MGA: variants seen among roughly 807,000 people sequenced by gnomAD.
The protein encoded by MGA is MAX gene-associated protein.
MGA carries 40 observed loss-of-function variants against 261.1 expected under a neutral mutation model. The ratio of observed to expected loss-of-function variants is 0.15; its 90% CI spans 0.12 to 0.20. The LOEUF is 0.20. Among genes scored for constraint, MGA ranks in the 10% least tolerant of loss-of-function variants. MGA has a pLI of 1.00. For synonymous variants in MGA, 1,302 were observed against 1,290.6 expected, an observed-to-expected ratio of 1.01 and a Z score of -0.19; for missense variants, 3,397 against 3,630.5, an observed-to-expected ratio of 0.94 and a Z score of 1.65.
At chr15:41,714,612 TC>T (rs2060537643) in intron 9 of MGA, among the ~76,000 whole-genome samples, 1 of 152,148 alleles carries the variant, frequency 6.6e-6, no homozygotes, top group African/African-American at 2.4e-5. Flanking sequence ...CAAATGATTT[TC>T]CTGCCCCAGC....
At chr15:41,726,772 C>T (rs556109547) in intron 9 of MGA, among the ~76,000 whole-genome samples, 1 of 151,900 alleles carries the variant, frequency 6.6e-6, no homozygotes, top group Non-Finnish European at 1.5e-5. Flanking sequence ...TCTTCTCTGA[C>T]CCTAAATATA....
intron 9 of MGA, among the ~76,000 whole-genome samples, chr15:41,717,908 T>C (rs1287078919): frequency 2.6e-5 from 4 of 151,914 alleles, no homozygotes; most frequent in Admixed American, 6.6e-5. Context: ...GGGTGTATCC[T>C]AGAAGTGTGG....
intron 9 of MGA, among the ~76,000 whole-genome samples, chr15:41,726,797 T>C (rs1567039496): frequency 6.6e-6 from 1 of 152,172 alleles, no homozygotes; most frequent in Non-Finnish European, 1.5e-5. Flanking sequence ...CAACTCTTGT[T>C]TTAATTCTTC....
chr15:41,712,681 C>T (rs1050145844), intron 8 of MGA, among the ~76,000 whole-genome samples: 1 of 152,030 alleles, frequency 6.6e-6, no homozygotes, highest in Admixed American at 6.5e-5. Flanking sequence ...ATTAATTACC[C>T]TACAATAGGG....
chr15:41,768,184 C>A lies in MGA; in HGVS notation c.*904C>A, dbSNP rs2063892361. 1 of 152,640 alleles carries A rather than the reference C, an allele frequency of 6.6e-6. No individual in the cohort carries two copies. Among genetic ancestry groups the A allele is most frequent in the Admixed American group, 6.5e-5 (1 of 15,284 alleles). 9.5% of individuals were successfully genotyped at this position (152,640 alleles called of 1,614,324 possible). Reference sequence around the variant, plus strand: ...CTGGAAATTTCCCAAATCAAACCAGCCTCCTGGTGCTTGAAGGTTTCATTC... The same window carrying A: ...CTGGAAATTTCCCAAATCAAACCAGACTCCTGGTGCTTGAAGGTTTCATTC... On this transcript the variant is annotated 3_prime_UTR_variant, in exon 24 of 24. Transcript: ENST00000219905.
Position 41,750,451 on chromosome 15 carries a change from C to T in MGA, c.6844C>T (p.Gln2282Ter). Reference sequence around the variant, plus strand: ...CTTACTGCTACCTGGAGAACAGATACAACCAAAGCAAGAGAAGAAGGGTGG... The same window carrying T: ...CTTACTGCTACCTGGAGAACAGATATAACCAAAGCAAGAGAAGAAGGGTGG... The change falls in exon 17 of 24, where the codon CAA becomes TAA. Residue 2282 changes from glutamine (Q) to a stop codon, truncating the protein, a stop_gained. Coordinates refer to ENST00000219905, the MANE Select transcript of MGA (RefSeq NM_001164273.2). LOFTEE classifies it high-confidence loss of function. The T allele has an allele frequency of 6.2e-7, 1 of 1,613,948 alleles. No homozygotes were observed. Among genetic ancestry groups the T allele is most frequent in the Non-Finnish European group, 8.5e-7 (1 of 1,179,884 alleles).
chr15:41,651,333 T>G (rs1449765369), intron 1 of MGA, among the ~76,000 whole-genome samples: 1 of 152,176 alleles, frequency 6.6e-6, no homozygotes, highest in Non-Finnish European at 1.5e-5. Flanking sequence ...TTGTCTCTTG[T>G]TTTGATCTTC....
chr15:41,758,792 G>A (rs1227502704), intron 19 of MGA, among the ~76,000 whole-genome samples: 1 of 151,960 alleles, frequency 6.6e-6, no homozygotes, highest in Non-Finnish European at 1.5e-5. Flanking sequence ...TTTTGGTTAC[G>A]GTCAGAGTTA....
At position 41,766,615 on chromosome 15, in the gene MGA, G is replaced by A; in HGVS notation, c.8533G>A (p.Ala2845Thr). ...ACTAAATGATGACTCTGTTGGCCTG[G>A]CTGAACTACCCAGCTCTATGGATAC... is the stretch of plus-strand genomic sequence containing the variant. Residue 2845 changes from alanine (A) to threonine (T), a missense_variant, in exon 24 of 24, where the codon GCT (alanine) becomes ACT (threonine). Ala to Thr is a moderately conservative substitution (Grantham distance 58, BLOSUM62 0). Coordinates refer to ENST00000219905, the MANE Select transcript of MGA (RefSeq NM_001164273.2). The A allele has an allele frequency of 6.2e-7, 1 of 1,613,992 alleles. No individual in the cohort carries two copies. The highest frequency in any genetic ancestry group is 8.5e-7 in the Non-Finnish European group (1 of 1,179,892).
intron 11 of MGA, among the ~76,000 whole-genome samples, 194 bp from the exon 12 acceptor site, chr15:41,734,328 G>A (rs950988773): frequency 6.6e-6 from 1 of 152,124 alleles, no homozygotes; most frequent in African/African-American, 2.4e-5. Context: ...AGGACATTAG[G>A]TAGCAAAACT....
At chr15:41,706,722 A>G (rs1421449512) in intron 5 of MGA, among the ~76,000 whole-genome samples, 5 of 151,900 alleles carry the variant, frequency 3.3e-5, no homozygotes, top group Non-Finnish European at 2.9e-5. Context: ...CTACAGGCAC[A>G]TGCCACCACA....
intron 8 of MGA, among the ~76,000 whole-genome samples, chr15:41,712,595 A>T (rs1335408809): frequency 6.6e-6 from 1 of 152,214 alleles, no homozygotes; most frequent in Non-Finnish European, 1.5e-5. Context: ...AGATGTTGGA[A>T]CTAAATGCAG....
At chr15:41,645,433 A>G (rs2056917855) in intron 1 of MGA, among the ~76,000 whole-genome samples, 1 of 152,238 alleles carries the variant, frequency 6.6e-6, no homozygotes, top group African/African-American at 2.4e-5. Flanking sequence ...CTAAAAATAC[A>G]AAAATTAGCT....
chr15:41,664,803 TC>T (rs2057634053), intron 1 of MGA, among the ~76,000 whole-genome samples: 1 of 152,238 alleles, frequency 6.6e-6, no homozygotes, highest in African/African-American at 2.4e-5. Flanking sequence ...ATTTGTGACT[TC>T]CGTTTAGTTT....
chr15:41,738,967 T>TC (rs1171624123), intron 13 of MGA, among the ~76,000 whole-genome samples: 4 of 152,150 alleles, frequency 2.6e-5, no homozygotes. Flanking sequence ...CCTCACCAGT[T>TC]CCCTGTTAGA....
At position 41,652,363 on chromosome 15, in the gene MGA, TTCTCCCC is replaced by T. The variant is rs1436250377; in HGVS notation, c.-67-16452_-67-16446del. The stretch of plus-strand genomic sequence containing the variant: ...TCCCTTCTCTCCTCTTCCCTCTCCC[TTCTCCCC>T]TCTCCCCTCTCCTTTCCCCGCCTTT... On this transcript the variant is annotated intron_variant, in intron 1 of 8. Transcript: ENST00000566718. Among the ~76,000 whole-genome samples the T allele has an allele frequency of 8.0e-5, 10 of 124,862 alleles. No individual in the cohort carries two copies. The South Asian group carries it at 2.1e-3, about 26-fold the overall frequency. The allele number at this position is 124,862 out of a possible 152,430, so 81.9% of individuals were successfully genotyped here.
At chr15:41,753,502 A>C (rs1485128452) in intron 17 of MGA, among the ~76,000 whole-genome samples, 1 of 152,104 alleles carries the variant, frequency 6.6e-6, no homozygotes, top group South Asian at 2.1e-4. Context: ...AATATTTAGC[A>C]AGTTTCTGTG....
At chr15:41,700,051 T>G (rs1347780141) in intron 5 of MGA, among the ~76,000 whole-genome samples, 3 of 144,038 alleles carry the variant, frequency 2.1e-5, no homozygotes, top group East Asian at 2.1e-4. Flanking sequence ...GTTTTTTTTT[T>G]TTTTTTTTTT....
chr15:41,715,595 C>T (rs1409361268), intron 9 of MGA, among the ~76,000 whole-genome samples: 11 of 151,908 alleles, frequency 7.2e-5, no homozygotes, highest in Admixed American at 1.3e-4. Flanking sequence ...AATGCCTAGC[C>T]GTTGTACTAT....
Sources: gnomAD v4.1 joint callset for allele counts (sites outside exome capture counted in the v4.1 genomes callset) on GRCh38, gnomAD v4.1.1 for gene constraint, MANE v1.5 for transcripts, NCBI Gene and HGNC (gene_info 2026-07-23, HGNC 2026-07-21) for gene names.